Variants in DYSF observed in about 807,000 individuals in gnomAD.
DYSF encodes dysferlin.
In DYSF, 212 loss-of-function variants were observed where a neutral mutation model predicts 274.9. The observed-to-expected ratio is 0.77, with a 90% CI of 0.69 to 0.86. The LOEUF (loss-of-function observed/expected upper bound fraction) is 0.86. DYSF is among the 40% of genes least tolerant of loss of function. The probability of loss-of-function intolerance (pLI) is 0.00; values close to 1 mark genes in which losing one functional copy is unlikely to be tolerated. For missense variants in DYSF, 2,666 were observed against 2,783.2 expected, an observed-to-expected ratio of 0.96 and a Z score of 0.95; for synonymous variants, 1,091 against 1,078.7, an observed-to-expected ratio of 1.01 and a Z score of -0.22.
intron 10 of DYSF, among the ~76,000 whole-genome samples, chr2:71,517,717 T>C (rs1246735281): frequency 6.6e-6 from 1 of 152,116 alleles, no homozygotes; most frequent in Non-Finnish European, 1.5e-5. Context: ...TCTCCCTTGG[T>C]GTTTATATTT....
chr2:71,492,134 T>C (rs2083908154), intron 3 of DYSF, among the ~76,000 whole-genome samples: 1 of 152,256 alleles, frequency 6.6e-6, no homozygotes, highest in Non-Finnish European at 1.5e-5. Context: ...AGGACATCCC[T>C]GGCTTTCAGA....
intron 40 of DYSF, among the ~76,000 whole-genome samples, chr2:71,614,355 G>A (rs1419675757): frequency 6.6e-6 from 1 of 152,170 alleles, no homozygotes; most frequent in Non-Finnish European, 1.5e-5. Context: ...TGTGTCCTCG[G>A]GCCTTGCTGC....
chr2:71,454,594 C>A (rs2080974767), intron 1 of DYSF, among the ~76,000 whole-genome samples: 1 of 152,204 alleles, frequency 6.6e-6, no homozygotes, highest in East Asian at 1.9e-4. Context: ...CCTACCCTTG[C>A]TTTGCGCACA....
chr2:71,537,228 T>TG (rs1352376082), intron 16 of DYSF, among the ~76,000 whole-genome samples: 27 of 36,286 alleles, frequency 7.4e-4, no homozygotes, highest in African/African-American at 1.9e-3. Context: ...GTTTTGTTTT[T>TG]TTTTTTTTTT....
At chr2:71,463,347 G>A (rs997932314), upstream of DYSF, among the ~76,000 whole-genome samples, 8 of 152,244 alleles carry the variant, frequency 5.3e-5, no homozygotes, top group Non-Finnish European at 7.3e-5. Flanking sequence ...TGGGGCGAAG[G>A]CACTTCTGAG....
intron 12 of DYSF, among the ~76,000 whole-genome samples, chr2:71,522,736 C>G (rs2087434847): frequency 6.6e-6 from 1 of 152,128 alleles, no homozygotes; most frequent in Admixed American, 6.5e-5. Flanking sequence ...CTTATTATAG[C>G]AAAGCCTGTA....
intron 22 of DYSF, among the ~76,000 whole-genome samples, chr2:71,556,992 CAGTT>C (rs2152797659): frequency 6.6e-6 from 1 of 152,274 alleles, no homozygotes; most frequent in Admixed American, 6.5e-5. Context: ...GTTTGTGGCT[CAGTT>C]AGGAAGTGTA....
At position 71,553,832 on chromosome 2, in the gene DYSF, G is replaced by A. The variant is rs794727343; in HGVS notation, c.2010G>A (p.Trp670Ter). 1 of 1,611,904 alleles carries A rather than the reference G, an allele frequency of 6.2e-7. No individual in the cohort carries two copies. Among genetic ancestry groups the A allele is most frequent in the African/African-American group, 1.3e-5 (1 of 74,752 alleles). ...GGTGCCACTACTACTACCTACCCTG[G>A]GGTAACGTGAAACCTGTGGTGGTGC... is the stretch of plus-strand genomic sequence containing the variant. ...FDGCHYYYLP[W>*]GNVKPVVVLS... Residue 670 changes from tryptophan (W) to a stop codon, truncating the protein, a stop_gained, in exon 21 of 56, where the codon TGG (tryptophan) becomes TGA (stop). Transcript: ENST00000410020. LOFTEE classifies it high-confidence loss of function.
intron 41 of DYSF, among the ~76,000 whole-genome samples, chr2:71,624,521 A>T (rs2094170594): frequency 6.6e-6 from 1 of 152,166 alleles, no homozygotes; most frequent in African/African-American, 2.4e-5. Context: ...CATGATAATT[A>T]TTGTTGCTGA....
intron 43 of DYSF, among the ~76,000 whole-genome samples, chr2:71,657,680 C>G (rs1057411041): frequency 1.3e-5 from 2 of 152,190 alleles, no homozygotes; most frequent in African/African-American, 4.8e-5. Context: ...TGGAAGCTGC[C>G]AAGGCTTGGG....
At chr2:71,668,550 AG>A (rs2095058841) in intron 48 of DYSF, among the ~76,000 whole-genome samples, 1 of 152,104 alleles carries the variant, frequency 6.6e-6, no homozygotes, top group Non-Finnish European at 1.5e-5. Flanking sequence ...CTTGACCCCC[AG>A]GCACAGGCCC....
intron 1 of DYSF, among the ~76,000 whole-genome samples, chr2:71,468,332 A>G (rs1420143087): frequency 6.6e-6 from 1 of 152,198 alleles, no homozygotes; most frequent in Non-Finnish European, 1.5e-5. Context: ...TTGTCCTGTA[A>G]CAGTCCTGTG....
At chr2:71,556,604 C>G (rs1157217463) in intron 22 of DYSF, among the ~76,000 whole-genome samples, 1 of 152,200 alleles carries the variant, frequency 6.6e-6, no homozygotes, top group Non-Finnish European at 1.5e-5. Context: ...CAACTTCAAC[C>G]TGGCATGAAG....
intron 4 of DYSF, among the ~76,000 whole-genome samples, chr2:71,507,719 C>T (rs1361643052): frequency 2.0e-5 from 3 of 152,230 alleles, no homozygotes; most frequent in Non-Finnish European, 4.4e-5. Context: ...CAGATGTGGG[C>T]CCAACTCAGG....
chr2:71,589,784 C>T, intron 31 of DYSF, 98 bp downstream of exon 31: 1 of 1,212,810 alleles, frequency 8.2e-7, no homozygotes, highest in South Asian at 1.2e-5. Context: ...ATGTGGGGCT[C>T]TGGGGAGCTG....
rs542991391 is a variant in DYSF at position 71,669,267 on chromosome 2, G to T, written c.5642+60G>T. On this transcript the variant is annotated intron_variant, in intron 50 of 55. Coordinates refer to ENST00000410020, the MANE Select transcript of DYSF (RefSeq NM_001130987.2). The stretch of plus-strand genomic sequence containing the variant: ...CCCGCAGCTCCCGTGCTCCCTCTGG[G>T]TTGTGCACAGCACGGGGGGCTCTGG... The T allele has an allele frequency of 2.9e-6, 4 of 1,383,734 alleles. No homozygotes were observed. The South Asian group carries it at 4.9e-5, about 17-fold the overall frequency. 85.7% of individuals were successfully genotyped at this position (1,383,734 alleles called of 1,614,324 possible). A position where few individuals can be genotyped will look rare whatever the true frequency, so the allele number is the denominator to read the frequency against.
chr2:71,569,684 C>A, intron 26 of DYSF, 136 bp from the exon 27 acceptor site: 2 of 746,622 alleles, frequency 2.7e-6, no homozygotes, highest in Non-Finnish European at 4.7e-6. Flanking sequence ...TTGCACCCTT[C>A]CCTCCCCACC....
intron 41 of DYSF, among the ~76,000 whole-genome samples, chr2:71,637,594 C>T (rs2094424821): frequency 6.6e-6 from 1 of 152,126 alleles, no homozygotes. Context: ...GAAGCTGTGC[C>T]AGGAACTTGG....
At chr2:71,592,695 AG>A (rs1035493890) in intron 32 of DYSF, among the ~76,000 whole-genome samples, 12 of 152,166 alleles carry the variant, frequency 7.9e-5, no homozygotes, top group African/African-American at 2.7e-4. Flanking sequence ...TGGGGCAGAG[AG>A]GGCCCTCCTT....
Sources: gnomAD v4.1 joint callset for allele counts (sites outside exome capture counted in the v4.1 genomes callset) on GRCh38, gnomAD v4.1.1 for gene constraint, MANE v1.5 for transcripts, NCBI Gene and HGNC (gene_info 2026-07-23, HGNC 2026-07-21) for gene names.